NFIA: variants seen among roughly 807,000 people sequenced by gnomAD.
The protein encoded by NFIA is nuclear factor I A.
A neutral mutation model predicts 62.8 loss-of-function variants in NFIA; 8 were observed. That is an observed-to-expected ratio of 0.13 (90% CI 0.07 to 0.23). The LOEUF (loss-of-function observed/expected upper bound fraction) is 0.23, where lower values mean the gene tolerates loss of function less well. Ranked by LOEUF, NFIA falls within the 10% of genes least tolerant of loss-of-function variation. The pLI is 1.00. For missense variants in NFIA, 410 were observed against 642.1 expected (o/e 0.64, Z 3.91); for synonymous variants, 235 against 238.1 (o/e 0.99, Z 0.12).
intron 6 of NFIA, among the ~76,000 whole-genome samples, chr1:61,373,164 A>G (rs1663988801): frequency 6.6e-6 from 1 of 152,162 alleles, no homozygotes; most frequent in African/African-American, 2.4e-5. Flanking sequence ...GAATGGGGTT[A>G]TTGAAGGATG....
intron 4 of NFIA, among the ~76,000 whole-genome samples, chr1:61,338,791 C>T (rs1420659719): frequency 6.6e-6 from 1 of 152,196 alleles, no homozygotes; most frequent in Non-Finnish European, 1.5e-5. Context: ...TAAACATTCG[C>T]AGTACTTTAG....
At chr1:61,097,201 C>T (rs1476805493) in intron 2 of NFIA, among the ~76,000 whole-genome samples, 1 of 152,026 alleles carries the variant, frequency 6.6e-6, no homozygotes, top group Non-Finnish European at 1.5e-5. Context: ...GTATCTAGTT[C>T]CATACTGTAT....
At chr1:61,376,098 T>C (rs1042745919) in intron 6 of NFIA, among the ~76,000 whole-genome samples, 5 of 152,138 alleles carry the variant, frequency 3.3e-5, no homozygotes, top group Admixed American at 1.3e-4. Flanking sequence ...TATAAAGATA[T>C]ACTCTCCAAT....
At chr1:61,186,502 A>G (rs754544810) in intron 2 of NFIA, among the ~76,000 whole-genome samples, 2 of 152,200 alleles carry the variant, frequency 1.3e-5, no homozygotes, top group Non-Finnish European at 2.9e-5. Context: ...TCGTTCAGTC[A>G]GTGGAAGAGA....
At chr1:61,422,641 A>G (rs1666678891) in intron 9 of NFIA, among the ~76,000 whole-genome samples, 1 of 151,784 alleles carries the variant, frequency 6.6e-6, no homozygotes, top group East Asian at 1.9e-4. Flanking sequence ...CATGATAAAC[A>G]GCAGTGCTTG....
intron 4 of NFIA, among the ~76,000 whole-genome samples, chr1:61,332,906 G>T (rs1312764835): frequency 6.6e-6 from 1 of 152,134 alleles, no homozygotes; most frequent in Non-Finnish European, 1.5e-5. Context: ...CTCAGTATGA[G>T]TGACACAGTC....
intron 2 of NFIA, among the ~76,000 whole-genome samples, chr1:61,221,066 T>A (rs1007534634): frequency 2.0e-5 from 3 of 152,178 alleles, no homozygotes; most frequent in African/African-American, 4.8e-5. Context: ...ATCCATTTTT[T>A]AATTTACTAA....
chr1:61,082,592 A>C lies in NFIA; in HGVS notation c.-200A>C. 6.8e-7 allele frequency: 1 copy of C among 1,481,136 alleles called. No individual in the cohort carries two copies. Among genetic ancestry groups the C allele is most frequent in the South Asian group, 1.4e-5 (1 of 73,104 alleles). 91.7% of individuals were successfully genotyped at this position (1,481,136 alleles called of 1,614,324 possible). On this transcript the variant is annotated 5_prime_UTR_variant, in exon 1 of 11. It removes the in-frame stop codon of an upstream open reading frame in the 5' UTR. Transcript: ENST00000403491. ...AAAGTTCAGCTCATGGAGCGGCAAT[A>C]GCGCTGGCTGGCTGGCTGCAGTTGA...
At chr1:61,194,888 G>T (rs1651887641) in intron 2 of NFIA, among the ~76,000 whole-genome samples, 1 of 152,154 alleles carries the variant, frequency 6.6e-6, no homozygotes, top group South Asian at 2.1e-4. Context: ...ATTAAATCCA[G>T]ATACTCTGAC....
At chr1:61,165,475 A>C (rs1649505875) in intron 2 of NFIA, among the ~76,000 whole-genome samples, 1 of 152,250 alleles carries the variant, frequency 6.6e-6, no homozygotes, top group Admixed American at 6.5e-5. Flanking sequence ...ACTAAACTCA[A>C]GAATCATGGA....
chr1:61,261,901 A>G (rs1293836263), intron 2 of NFIA, among the ~76,000 whole-genome samples: 1 of 152,228 alleles, frequency 6.6e-6, no homozygotes, highest in Non-Finnish European at 1.5e-5. Flanking sequence ...CAGGTTTTGT[A>G]TATGCTTTCT....
At chr1:61,259,877 C>T (rs931366020) in intron 2 of NFIA, among the ~76,000 whole-genome samples, 7 of 152,116 alleles carry the variant, frequency 4.6e-5, no homozygotes, top group African/African-American at 1.7e-4. Context: ...CCATTGTTGC[C>T]GTGCAGTTGA....
At chr1:61,175,719 T>G (rs1384059650) in intron 2 of NFIA, among the ~76,000 whole-genome samples, 1 of 152,210 alleles carries the variant, frequency 6.6e-6, no homozygotes, top group African/African-American at 2.4e-5. Context: ...TGTAAGTCAG[T>G]TATTTCACAG....
chr1:61,099,153 C>G (rs1269797301), intron 2 of NFIA, among the ~76,000 whole-genome samples: 1 of 152,110 alleles, frequency 6.6e-6, no homozygotes, highest in African/African-American at 2.4e-5. Flanking sequence ...AGACAGAAAG[C>G]TTTGTAATTC....
chr1:61,369,395 G>A (rs950855052), intron 6 of NFIA, among the ~76,000 whole-genome samples: 5 of 152,032 alleles, frequency 3.3e-5, no homozygotes, highest in African/African-American at 1.2e-4. Flanking sequence ...ACCAGAAAGT[G>A]TAGTTGGAAG....
At chr1:61,391,959 G>T (rs190627324) in intron 7 of NFIA, among the ~76,000 whole-genome samples, 2 of 152,316 alleles carry the variant, frequency 1.3e-5, no homozygotes, top group Admixed American at 1.3e-4. Flanking sequence ...GCCAACAGAC[G>T]CACGGTGTTT....
At chr1:61,301,377 T>A (rs1659488766) in intron 3 of NFIA, among the ~76,000 whole-genome samples, 2 of 152,322 alleles carry the variant, frequency 1.3e-5, no homozygotes, top group Middle Eastern at 3.4e-3. Flanking sequence ...AATTTATAAA[T>A]CCTGAGAAGC....
intron 2 of NFIA, among the ~76,000 whole-genome samples, chr1:61,110,797 G>T (rs78723305): frequency 0.011 from 1,673 of 152,154 alleles, 12 homozygotes; most frequent in Non-Finnish European, 0.018. Flanking sequence ...CAGTGTTGCT[G>T]AGTGCACAGA....
intron 4 of NFIA, among the ~76,000 whole-genome samples, chr1:61,336,863 A>C (rs192555622): frequency 3.3e-5 from 5 of 152,296 alleles, no homozygotes; most frequent in Non-Finnish European, 5.9e-5. Flanking sequence ...ACATGGGCTG[A>C]AAATTTCACA....
Sources: gnomAD v4.1 joint callset for allele counts (sites outside exome capture counted in the v4.1 genomes callset) on GRCh38, gnomAD v4.1.1 for gene constraint, MANE v1.5 for transcripts, NCBI Gene and HGNC (gene_info 2026-07-23, HGNC 2026-07-21) for gene names.